The following NCKAP5 variants were observed in gnomAD, a reference collection of about 807,000 sequenced individuals.
NCKAP5 encodes nck-associated protein 5.
In NCKAP5, 92 loss-of-function variants were observed where a neutral mutation model predicts 167.0. That is an observed-to-expected ratio of 0.55 (90% confidence interval 0.47 to 0.66). The LOEUF (loss-of-function observed/expected upper bound fraction) is 0.66. Ranked by LOEUF, NCKAP5 falls within the 30% of genes least tolerant of loss-of-function variation. The probability of loss-of-function intolerance (pLI) is 0.00; values close to 1 mark genes in which losing one functional copy is unlikely to be tolerated. For synonymous variants in NCKAP5, 891 were observed against 877.4 expected (o/e 1.02, Z -0.27); for missense variants, 2,378 against 2,315.0 (o/e 1.03, Z -0.56).
At chr2:133,142,533 C>A (rs1456061156) in intron 5 of NCKAP5, among the ~76,000 whole-genome samples, 1 of 152,088 alleles carries the variant, frequency 6.6e-6, no homozygotes, top group Admixed American at 6.6e-5. Flanking sequence ...GTTTCCACTC[C>A]TGGCAATGTT....
In NCKAP5 at chr2:133,251,082, A is replaced by T. The variant is rs562256354; in HGVS notation, c.144-37303T>A. Reference sequence around the variant, plus strand: ...TGAAAACATTCTTTAAAAATAAAAAAAAAAACCCAGCATAACAGTAATAAG... The same window carrying T: ...TGAAAACATTCTTTAAAAATAAAAATAAAAACCCAGCATAACAGTAATAAG... On this transcript the variant is annotated intron_variant, in intron 4 of 19. Transcript: ENST00000409261. Among the ~76,000 whole-genome samples, 185 of 152,310 alleles carry T rather than the reference A, an allele frequency of 1.2e-3. 1 individual carries two copies. The East Asian group carries it at 0.025, about 21-fold the overall frequency.
At chr2:132,956,923 GCTCCTCTTC>G (rs2076361404) in intron 8 of NCKAP5, among the ~76,000 whole-genome samples, 1 of 152,122 alleles carries the variant, frequency 6.6e-6, no homozygotes, top group Non-Finnish European at 1.5e-5. Context: ...TCAGATGCTG[GCTCCTCTTC>G]CTCTGCCAGA....
intron 6 of NCKAP5, among the ~76,000 whole-genome samples, chr2:133,024,242 T>C (rs1390833277): frequency 6.6e-6 from 1 of 152,232 alleles, no homozygotes; most frequent in Non-Finnish European, 1.5e-5. Context: ...CATCACCTAC[T>C]GTATATATTT....
At chr2:133,248,441 C>A (rs947038137) in intron 4 of NCKAP5, among the ~76,000 whole-genome samples, 1 of 152,218 alleles carries the variant, frequency 6.6e-6, no homozygotes, top group African/African-American at 2.4e-5. Flanking sequence ...GCTCGTCTCC[C>A]ATGCCCTTCC....
intron 3 of NCKAP5, among the ~76,000 whole-genome samples, chr2:133,516,117 G>A (rs1349283283): frequency 6.6e-6 from 1 of 152,184 alleles, no homozygotes; most frequent in East Asian, 1.9e-4. Context: ...GGCTGTCTCT[G>A]TCCTTAGCCT....
chr2:133,316,720 G>A (rs923231983), intron 3 of NCKAP5, among the ~76,000 whole-genome samples: 4 of 152,144 alleles, frequency 2.6e-5, no homozygotes, highest in Non-Finnish European at 4.4e-5. Flanking sequence ...CTCTACTGCC[G>A]CTGGGTGGGA....
chr2:133,415,562 T>C (rs962948261), intron 3 of NCKAP5, among the ~76,000 whole-genome samples: 2 of 152,200 alleles, frequency 1.3e-5, no homozygotes, highest in Non-Finnish European at 1.5e-5. Context: ...ATAATACATG[T>C]ATAGGTCAAA....
intron 3 of NCKAP5, among the ~76,000 whole-genome samples, chr2:133,438,564 G>T (rs1690643060): frequency 6.6e-6 from 1 of 152,060 alleles, no homozygotes; most frequent in Non-Finnish European, 1.5e-5. Flanking sequence ...TTGGTAAAAG[G>T]CTCCTATCAA....
the NCKAP5 span, among the ~76,000 whole-genome samples, chr2:133,609,196 T>C: frequency 6.6e-6 from 1 of 152,216 alleles, no homozygotes; most frequent in African/African-American, 2.4e-5. Flanking sequence ...TTTAGCCTGC[T>C]TTGTGGGATT....
At chr2:133,495,166 A>G (rs1164704690) in intron 3 of NCKAP5, among the ~76,000 whole-genome samples, 1 of 152,154 alleles carries the variant, frequency 6.6e-6, no homozygotes, top group Non-Finnish European at 1.5e-5. Context: ...ACCAACATAC[A>G]TCTTACATGT....
chr2:133,313,126 T>G (rs1681362542), intron 3 of NCKAP5, among the ~76,000 whole-genome samples: 2 of 152,146 alleles, frequency 1.3e-5, no homozygotes, highest in African/African-American at 4.8e-5. Context: ...CAGAGTGGAT[T>G]TTATGTTGGT....
intron 4 of NCKAP5, among the ~76,000 whole-genome samples, chr2:133,220,909 A>G (rs2150203308): frequency 6.6e-6 from 1 of 152,152 alleles, no homozygotes; most frequent in South Asian, 2.1e-4. Context: ...TGTGTGCCCC[A>G]CTCTCCACCA....
At chr2:132,755,566 C>T (rs902612577) in intron 16 of NCKAP5, among the ~76,000 whole-genome samples, 2 of 152,152 alleles carry the variant, frequency 1.3e-5, no homozygotes, top group East Asian at 3.9e-4. Flanking sequence ...CATGGTGGCT[C>T]GTGCCTGTAA....
intron 4 of NCKAP5, among the ~76,000 whole-genome samples, chr2:133,290,258 C>A (rs115118840): frequency 0.013 from 1,999 of 152,004 alleles, 36 homozygotes; most frequent in African/African-American, 0.045. Context: ...GAAAAAAAAA[C>A]ACACAATATT....
At chr2:133,272,707 C>T (rs1308033105) in intron 4 of NCKAP5, among the ~76,000 whole-genome samples, 1 of 152,152 alleles carries the variant, frequency 6.6e-6, no homozygotes, top group African/African-American at 2.4e-5. Flanking sequence ...TACCTATTAA[C>T]ATTCACTCCT....
At chr2:133,594,637 A>G in the NCKAP5 span, among the ~76,000 whole-genome samples, 1 of 152,120 alleles carries the variant, frequency 6.6e-6, no homozygotes, top group Non-Finnish European at 1.5e-5. Flanking sequence ...ATTTTCTGCT[A>G]CCCCTGCTTT....
chr2:133,264,580 C>T (rs1206949462), intron 4 of NCKAP5, among the ~76,000 whole-genome samples: 3 of 152,140 alleles, frequency 2.0e-5, no homozygotes, highest in African/African-American at 7.2e-5. Context: ...ATCAGTGACT[C>T]AGAAACATCA....
chr2:133,516,460 GAGA>G (rs1281880901), intron 3 of NCKAP5, among the ~76,000 whole-genome samples: 1 of 152,174 alleles, frequency 6.6e-6, no homozygotes, highest in African/African-American at 2.4e-5. Flanking sequence ...TGACTAAGGA[GAGA>G]AGAACTTGAC....
At chr2:133,214,201 T>TA (rs2086331941) in intron 4 of NCKAP5, among the ~76,000 whole-genome samples, 1 of 152,208 alleles carries the variant, frequency 6.6e-6, no homozygotes, top group Non-Finnish European at 1.5e-5. Flanking sequence ...TTACTACTTT[T>TA]AAAATAACAA....
Sources: gnomAD v4.1 joint callset for allele counts (sites outside exome capture counted in the v4.1 genomes callset) on GRCh38, gnomAD v4.1.1 for gene constraint, MANE v1.5 for transcripts, NCBI Gene and HGNC (gene_info 2026-07-23, HGNC 2026-07-21) for gene names.